Variants in SLC1A3 observed in about 807,000 individuals in gnomAD.
SLC1A3 encodes the protein excitatory amino acid transporter 1.
Under a neutral mutation model 48.1 loss-of-function variants are expected in SLC1A3, and 21 were observed. That is an observed-to-expected ratio of 0.44 (90% CI 0.31 to 0.63). SLC1A3 has a LOEUF of 0.63. SLC1A3 is among the 20% of genes least tolerant of loss of function. The probability of loss-of-function intolerance (pLI) is 0.08; values close to 1 mark genes in which losing one functional copy is unlikely to be tolerated. For missense variants in SLC1A3, 546 were observed against 689.0 expected (o/e 0.79, Z 2.32); for synonymous variants, 239 against 251.4 (o/e 0.95, Z 0.47).
At chr5:36,658,180 A>G (rs1003874062) in intron 3 of SLC1A3, among the ~76,000 whole-genome samples, 4 of 152,164 alleles carry the variant, frequency 2.6e-5, no homozygotes, top group Non-Finnish European at 5.9e-5. Context: ...GGGTTGTGGG[A>G]ATTCAGGGGC....
At chr5:36,597,073 G>A (rs1314442570) in intron 1 of SLC1A3, among the ~76,000 whole-genome samples, 3 of 151,990 alleles carry the variant, frequency 2.0e-5, no homozygotes, top group African/African-American at 7.3e-5. Flanking sequence ...GGCTCATGGA[G>A]ATTGGGTAAT....
At chr5:36,660,197 G>C (rs1020253036) in intron 3 of SLC1A3, among the ~76,000 whole-genome samples, 19 of 152,052 alleles carry the variant, frequency 1.2e-4, no homozygotes, top group Admixed American at 1.3e-4. Context: ...CCAGATTAAA[G>C]AATTATTTTA....
chr5:36,674,066 A>G lies in SLC1A3; in HGVS notation c.542A>G (p.Asn181Ser), dbSNP rs768557336. 6.2e-7 allele frequency: 1 copy of G among 1,613,450 alleles called. No individual in the cohort carries two copies. Among genetic ancestry groups the G allele is most frequent in the South Asian group, 1.1e-5 (1 of 91,066 alleles). Residue 181 changes from asparagine to serine, a missense_variant, in exon 5 of 10, where the codon AAT becomes AGT. Around this residue, in one of 3 missense-constraint regions of SLC1A3, gnomAD observed 348 missense variants for 392.0 expected, o/e 0.89. Transcript: ENST00000265113. The part of the protein sequence containing the change: ...LDLIRNMFPP[N>S]LVEACFKQFK... ...CTTTGCAGGAACATGTTCCCTCCAAATCTGGTAGAAGCCTGCTTTAAACAG... is the reference window on the plus strand; with the variant it reads ...CTTTGCAGGAACATGTTCCCTCCAAGTCTGGTAGAAGCCTGCTTTAAACAG...
chr5:36,614,472 A>G (rs932352536), intron 2 of SLC1A3, among the ~76,000 whole-genome samples: 4 of 152,132 alleles, frequency 2.6e-5, no homozygotes, highest in African/African-American at 9.7e-5. Flanking sequence ...AGATGCAGAA[A>G]TGAAAGCCTC....
At chr5:36,652,768 T>A (rs1309948095) in intron 3 of SLC1A3, among the ~76,000 whole-genome samples, 3 of 152,132 alleles carry the variant, frequency 2.0e-5, no homozygotes, top group Non-Finnish European at 4.4e-5. Flanking sequence ...CGGAAGAAAA[T>A]TTTACCAAGA....
intron 3 of SLC1A3, among the ~76,000 whole-genome samples, chr5:36,670,348 G>A (rs1240273772): frequency 6.6e-6 from 1 of 152,144 alleles, no homozygotes. Context: ...AATGAGAACT[G>A]TGCCATGATA....
intron 2 of SLC1A3, chr5:36,612,605 AAT>A (rs767997596): frequency 4.7e-4 from 72 of 153,000 alleles, no homozygotes; most frequent in Non-Finnish European, 8.3e-4. Context: ...AGAAAAAAAA[AAT>A]AATAATAATA....
intron 2 of SLC1A3, among the ~76,000 whole-genome samples, chr5:36,610,589 G>C (rs1452709883): frequency 3.3e-5 from 5 of 152,198 alleles, no homozygotes; most frequent in Non-Finnish European, 7.3e-5. Context: ...ATGGAAGACA[G>C]ATTGATGGAG....
intron 3 of SLC1A3, among the ~76,000 whole-genome samples, chr5:36,646,502 G>C (rs1460613018): frequency 6.6e-6 from 1 of 152,144 alleles, no homozygotes; most frequent in African/African-American, 2.4e-5. Flanking sequence ...CCACATTCAG[G>C]TCTATGTGTC....
intron 3 of SLC1A3, among the ~76,000 whole-genome samples, chr5:36,657,734 C>T (rs571620435): frequency 2.7e-4 from 41 of 152,258 alleles, no homozygotes; most frequent in Middle Eastern, 3.4e-3. Context: ...AAGGCAATTG[C>T]GCAATTACAG....
intron 4 of SLC1A3, among the ~76,000 whole-genome samples, chr5:36,672,883 C>G (rs1449930489): frequency 6.6e-6 from 1 of 152,056 alleles, no homozygotes; most frequent in East Asian, 1.9e-4. Flanking sequence ...TGAACTTTAC[C>G]CTCAGATAGT....
chr5:36,630,872 T>C (rs1305060707), intron 3 of SLC1A3, among the ~76,000 whole-genome samples: 7 of 152,200 alleles, frequency 4.6e-5, no homozygotes, highest in Non-Finnish European at 1.0e-4. Context: ...CTGGAGTTGA[T>C]TTGATGTACT....
intron 3 of SLC1A3, chr5:36,630,551 T>G (rs1740096986): frequency 6.6e-6 from 1 of 152,280 alleles, no homozygotes; most frequent in South Asian, 2.1e-4. Flanking sequence ...GTTCCCCTGT[T>G]GGGCATATAC....
At chr5:36,663,379 C>CCTT (rs1741594537) in intron 3 of SLC1A3, among the ~76,000 whole-genome samples, 4 of 70,182 alleles carry the variant, frequency 5.7e-5, no homozygotes, top group Admixed American at 1.4e-4. Context: ...CCACGCCCGG[C>CCTT]ATTTTTTTTT....
At chr5:36,614,369 T>A (rs1483256797) in intron 2 of SLC1A3, among the ~76,000 whole-genome samples, 1 of 152,172 alleles carries the variant, frequency 6.6e-6, no homozygotes, top group Non-Finnish European at 1.5e-5. Flanking sequence ...GATACTCACC[T>A]GGTTTTGGTT....
At chr5:36,658,428 G>GA (rs1741370247) in intron 3 of SLC1A3, among the ~76,000 whole-genome samples, 1 of 151,760 alleles carries the variant, frequency 6.6e-6, no homozygotes, top group African/African-American at 2.4e-5. Context: ...GTGAGCATCT[G>GA]AAAAAAAATA....
intron 3 of SLC1A3, among the ~76,000 whole-genome samples, chr5:36,663,710 A>C (rs996419429): frequency 2.6e-5 from 4 of 152,222 alleles, no homozygotes; most frequent in African/African-American, 9.6e-5. Flanking sequence ...TATAAGGCTA[A>C]GCTGTGTTAT....
Position 36,687,097 on chromosome 5 carries a change from G to T in SLC1A3, c.*828G>T, listed in dbSNP as rs759419477. The T allele has an allele frequency of 6.6e-6, 1 of 152,328 alleles. No homozygotes were observed. The highest frequency in any genetic ancestry group is 2.1e-4 in the South Asian group (1 of 4,832). 9.4% of individuals were successfully genotyped at this position (152,328 alleles called of 1,614,324 possible). A position where few individuals can be genotyped will look rare whatever the true frequency, so the allele number is the denominator to read the frequency against. ...GGTCACCAGGTCCTGTGAGCAAAGT[G>T]CAGGTTATGCAAGTCGCCAGGCAGG... On this transcript the variant is annotated 3_prime_UTR_variant, in exon 10 of 10. Transcript: ENST00000265113.
At chr5:36,614,165 C>T (rs1418255849) in intron 2 of SLC1A3, among the ~76,000 whole-genome samples, 1 of 152,210 alleles carries the variant, frequency 6.6e-6, no homozygotes, top group Non-Finnish European at 1.5e-5. Context: ...CCCAGTTCTG[C>T]TATGCACAAG....
Sources: allele counts gnomAD v4.1 joint callset (sites outside exome capture counted in the v4.1 genomes callset), GRCh38; gene constraint gnomAD v4.1.1; regional missense constraint gnomAD v4.1.1; transcripts MANE v1.5; gene names NCBI Gene and HGNC (gene_info 2026-07-23, HGNC 2026-07-21).